The following CCDC175 variants were observed in gnomAD, a reference collection of about 807,000 sequenced individuals.
CCDC175 encodes coiled-coil domain containing 175.
Under a neutral mutation model 114.6 loss-of-function variants are expected in CCDC175, and 100 were observed. The observed-to-expected ratio is 0.87, with a 90% CI of 0.74 to 1.03. The LOEUF is 1.03. Ranked by LOEUF, CCDC175 falls within the 50% of genes least tolerant of loss-of-function variation. The pLI is 0.00. For missense variants in CCDC175, 880 were observed against 917.8 expected (o/e 0.96, Z 0.53); for synonymous variants, 306 against 308.7 (o/e 0.99, Z 0.09).
intron 1 of CCDC175, 129 bp from the exon 2 acceptor site, chr14:59,575,157 A>C: frequency 1.8e-6 from 1 of 541,550 alleles, no homozygotes; most frequent in Admixed American, 3.3e-5. Flanking sequence ...TTTATTGTAC[A>C]TTACACTAAT....
At chr14:59,563,170 A>C (rs1291090927) in intron 6 of CCDC175, among the ~76,000 whole-genome samples, 3 of 152,190 alleles carry the variant, frequency 2.0e-5, no homozygotes, top group Non-Finnish European at 4.4e-5. Flanking sequence ...CCATAAGCTT[A>C]TGTTTTCTTA....
At chr14:59,542,257 G>A (rs1391682897) in intron 10 of CCDC175, among the ~76,000 whole-genome samples, 1 of 152,108 alleles carries the variant, frequency 6.6e-6, no homozygotes, top group Non-Finnish European at 1.5e-5. Context: ...ATAATTCACT[G>A]TCATACATGG....
intron 19 of CCDC175, among the ~76,000 whole-genome samples, chr14:59,508,461 G>C (rs1892566499): frequency 8.6e-6 from 1 of 116,122 alleles, no homozygotes; most frequent in African/African-American, 3.6e-5. Context: ...AGTGGCACGT[G>C]CCTGTAGTCC....
chr14:59,531,812 C>T lies in CCDC175; in HGVS notation c.1722G>A (p.Glu574=). ...TGAGCTCTTCTAACTTTCTTCTTTT[C>T]TCTTTATACTCTTGTTCTGCCACCT... is the stretch of plus-strand genomic sequence containing the variant. ...QLQVAEQEYK[E]KRRKLEELSN... Residue 574 remains glutamate, a synonymous_variant, in exon 14 of 20, where the codon GAG becomes GAA. Coordinates refer to ENST00000537690, the MANE Select transcript of CCDC175 (RefSeq NM_001164399.2). 1 of 1,495,222 alleles carries T rather than the reference C, an allele frequency of 6.7e-7. No homozygotes were observed. 92.6% of individuals were successfully genotyped at this position (1,495,222 alleles called of 1,614,324 possible).
intron 7 of CCDC175, among the ~76,000 whole-genome samples, chr14:59,555,951 C>G (rs1012867120): frequency 2.0e-5 from 3 of 152,060 alleles, no homozygotes; most frequent in Non-Finnish European, 2.9e-5. Context: ...AACCACTGCT[C>G]AACGAAATAA....
At chr14:59,507,631 G>A (rs1375171126) in intron 19 of CCDC175, among the ~76,000 whole-genome samples, 1 of 152,224 alleles carries the variant, frequency 6.6e-6, no homozygotes, top group Non-Finnish European at 1.5e-5. Context: ...GAGGTTACAG[G>A]TGGCTCAGAG....
At chr14:59,508,161 G>T (rs1892532765) in intron 19 of CCDC175, among the ~76,000 whole-genome samples, 1 of 152,018 alleles carries the variant, frequency 6.6e-6, no homozygotes, top group African/African-American at 2.4e-5. Context: ...AATACAGAGG[G>T]CTGTGTAAAG....
At chr14:59,522,965 TTAGAG>T (rs111876905) in intron 16 of CCDC175, among the ~76,000 whole-genome samples, 9,410 of 152,196 alleles carry the variant, frequency 0.062, 381 homozygotes, top group Middle Eastern at 0.11. Context: ...CAGTGCATGT[TTAGAG>T]TAAAGAGATG....
chr14:59,512,239 GT>G lies in CCDC175; in HGVS notation c.2099-437del, dbSNP rs112467660. Among the ~76,000 whole-genome samples the G allele has an allele frequency of 2.1e-3, 316 of 152,346 alleles. 1 individual carries two copies. The highest frequency in any genetic ancestry group is 6.8e-3 in the African/African-American group (283 of 41,570). Reference sequence around the variant, plus strand: ...GCTTTATGCTAAGAATGGGAGCTTGGTTTAAAAGTCAGACTCAATCAGTGCA... The same window carrying G: ...GCTTTATGCTAAGAATGGGAGCTTGGTTAAAAGTCAGACTCAATCAGTGCA... On this transcript the variant is annotated intron_variant, in intron 17 of 19. Coordinates refer to ENST00000537690, the MANE Select transcript of CCDC175 (RefSeq NM_001164399.2).
chr14:59,570,475 G>C (rs1333164885), intron 3 of CCDC175, among the ~76,000 whole-genome samples: 1 of 151,872 alleles, frequency 6.6e-6, no homozygotes, highest in Non-Finnish European at 1.5e-5. Context: ...TTTTAGGTTG[G>C]GCTCTCTGGG....
At position 59,562,526 on chromosome 14, in the gene CCDC175, G is replaced by A. The variant is rs532829829; in HGVS notation, c.843+1211C>T. Among the ~76,000 whole-genome samples the A allele has an allele frequency of 2.0e-4, 31 of 152,282 alleles. No individual in the cohort carries two copies. In the South Asian group the frequency reaches 6.2e-3, roughly 31 times the overall value. ...AGGTTTGTAGAACTAAGATTTGAAC[G>A]CAGCTCTGTGTGAGACTCAAGTTTG... On this transcript the variant is annotated intron_variant, in intron 6 of 19. Transcript: ENST00000537690.
intron 1 of CCDC175, 125 bp from the exon 2 acceptor site, chr14:59,575,153 G>A (rs563705756): frequency 1.1e-5 from 6 of 554,268 alleles, no homozygotes; most frequent in Non-Finnish European, 1.6e-5. Flanking sequence ...AATTTTTATT[G>A]TACATTACAC....
intron 17 of CCDC175, among the ~76,000 whole-genome samples, chr14:59,516,825 C>T (rs529832138): frequency 2.0e-4 from 30 of 152,192 alleles, no homozygotes; most frequent in Non-Finnish European, 4.1e-4. Flanking sequence ...TTTATGAGGC[C>T]AGCATCATCC....
At chr14:59,527,863 C>T (rs1361128984) in intron 14 of CCDC175, among the ~76,000 whole-genome samples, 2 of 152,080 alleles carry the variant, frequency 1.3e-5, no homozygotes, top group Non-Finnish European at 2.9e-5. Context: ...TTTGTGCTTG[C>T]TTTGCAGCTG....
intron 13 of CCDC175, among the ~76,000 whole-genome samples, chr14:59,534,862 A>C (rs1175888282): frequency 6.6e-6 from 1 of 152,192 alleles, no homozygotes; most frequent in African/African-American, 2.4e-5. Flanking sequence ...TAATCTAATT[A>C]ATATTCAGGG....
intron 4 of CCDC175, among the ~76,000 whole-genome samples, chr14:59,566,208 G>A (rs901618662): frequency 2.6e-5 from 4 of 152,128 alleles, no homozygotes; most frequent in South Asian, 2.1e-4. Context: ...CATTGCGGGC[G>A]GTGTCCATCT....
intron 17 of CCDC175, among the ~76,000 whole-genome samples, chr14:59,513,860 A>G (rs1323681542): frequency 6.6e-6 from 1 of 152,168 alleles, no homozygotes; most frequent in Admixed American, 6.5e-5. Context: ...GAATGGACAG[A>G]CTGCCTCCTC....
At chr14:59,524,594 C>T (rs970100282) in intron 16 of CCDC175, among the ~76,000 whole-genome samples, 2 of 152,178 alleles carry the variant, frequency 1.3e-5, no homozygotes, top group Non-Finnish European at 2.9e-5. Context: ...TGTGGAGCAA[C>T]TGGTGCTCTC....
At chr14:59,575,428 G>A (rs1045404970) in intron 1 of CCDC175, among the ~76,000 whole-genome samples, 80 of 151,342 alleles carry the variant, frequency 5.3e-4, no homozygotes, top group Non-Finnish European at 1.3e-4. Context: ...TTCTAGGTCT[G>A]TCATTGACAG....
Sources: gnomAD v4.1 joint callset for allele counts (sites outside exome capture counted in the v4.1 genomes callset) on GRCh38, gnomAD v4.1.1 for gene constraint, MANE v1.5 for transcripts, NCBI Gene and HGNC (gene_info 2026-07-23, HGNC 2026-07-21) for gene names.